The following THSD7A variants were observed in gnomAD, a reference collection of about 807,000 sequenced individuals.
THSD7A encodes thrombospondin type-1 domain-containing protein 7A.
In THSD7A, 96 loss-of-function variants were observed where a neutral mutation model predicts 231.3. The ratio of observed to expected loss-of-function variants is 0.41; its 90% CI spans 0.35 to 0.49. The LOEUF is 0.49. THSD7A is among the 20% of genes least tolerant of loss of function. THSD7A has a pLI of 0.05. For synonymous variants in THSD7A, 940 were observed against 743.3 expected, an observed-to-expected ratio of 1.26 and a Z score of -4.30; for missense variants, 2,290 against 2,070.2, an observed-to-expected ratio of 1.11 and a Z score of -2.06.
chr7:11,800,943 A>G (rs1784257011), intron 1 of THSD7A, among the ~76,000 whole-genome samples: 1 of 152,088 alleles, frequency 6.6e-6, no homozygotes. Context: ...GAGGTGCTGA[A>G]TATATTTTGC....
At chr7:11,409,695 C>G (rs1256769582) in intron 19 of THSD7A, among the ~76,000 whole-genome samples, 1 of 152,076 alleles carries the variant, frequency 6.6e-6, no homozygotes, top group Admixed American at 6.5e-5. Flanking sequence ...AGAAGTAGAT[C>G]ACAGCAAGCT....
intron 13 of THSD7A, among the ~76,000 whole-genome samples, chr7:11,445,117 G>T (rs1474268957): frequency 6.6e-6 from 1 of 151,734 alleles, no homozygotes; most frequent in Admixed American, 6.6e-5. Flanking sequence ...CCAATAGCAG[G>T]ATATATTAAT....
chr7:11,700,749 T>C (rs1173242353), intron 1 of THSD7A, among the ~76,000 whole-genome samples: 1 of 151,230 alleles, frequency 6.6e-6, no homozygotes, highest in Non-Finnish European at 1.5e-5. Context: ...TTTATTGCTC[T>C]TGCTCTTATT....
At chr7:11,455,964 C>G (rs540931995) in intron 11 of THSD7A, among the ~76,000 whole-genome samples, 1 of 151,890 alleles carries the variant, frequency 6.6e-6, no homozygotes. Flanking sequence ...TCTATAAAGG[C>G]CACTTTATTT....
intron 16 of THSD7A, among the ~76,000 whole-genome samples, chr7:11,418,065 T>C (rs1044983604): frequency 2.0e-5 from 3 of 152,194 alleles, no homozygotes; most frequent in African/African-American, 7.2e-5. Flanking sequence ...TTGATTTATA[T>C]GTGATGAGAG....
intron 4 of THSD7A, among the ~76,000 whole-genome samples, chr7:11,586,655 T>G (rs1192868828): frequency 1.3e-5 from 2 of 152,192 alleles, no homozygotes; most frequent in Non-Finnish European, 2.9e-5. Flanking sequence ...TAAAGTGGGT[T>G]TATGTGTGGA....
At chr7:11,486,312 A>G (rs1786654910) in intron 6 of THSD7A, among the ~76,000 whole-genome samples, 1 of 152,208 alleles carries the variant, frequency 6.6e-6, no homozygotes, top group Admixed American at 6.5e-5. Flanking sequence ...ACTTCAGAGT[A>G]TATATAGGAG....
intron 4 of THSD7A, among the ~76,000 whole-genome samples, chr7:11,577,183 T>C (rs1373842289): frequency 6.6e-6 from 1 of 152,240 alleles, no homozygotes; most frequent in East Asian, 1.9e-4. Flanking sequence ...GCTTTCCTAG[T>C]TAAAAACATA....
At chr7:11,534,740 G>T (rs1010010623) in intron 6 of THSD7A, among the ~76,000 whole-genome samples, 5 of 152,152 alleles carry the variant, frequency 3.3e-5, no homozygotes, top group Admixed American at 1.3e-4. Flanking sequence ...GATATAAAGG[G>T]AATCAAAGAA....
chr7:11,709,193 C>T (rs1482142193), intron 1 of THSD7A, among the ~76,000 whole-genome samples: 3 of 150,732 alleles, frequency 2.0e-5, no homozygotes, highest in African/African-American at 7.3e-5. Context: ...TTGTTGTGAG[C>T]TCTCTGCTCA....
intron 23 of THSD7A, among the ~76,000 whole-genome samples, chr7:11,399,120 G>A (rs1783303247): frequency 6.6e-6 from 1 of 152,130 alleles, no homozygotes; most frequent in Admixed American, 6.5e-5. Context: ...TCTCAACAAG[G>A]AGTTGTCTGT....
chr7:11,637,893 C>T lies in THSD7A; in HGVS notation c.191-932G>A, dbSNP rs191947449. ...ACTTTAATAGACAGATCCCAATTTA[C>T]GAAATTGAGAATTGTATTATTTTGG... is the stretch of plus-strand genomic sequence containing the variant. On this transcript the variant is annotated intron_variant, in intron 1 of 27. Coordinates refer to ENST00000423059, the MANE Select transcript of THSD7A (RefSeq NM_015204.3). The surrounding 1 kb of genome is among the most constrained non-coding windows in gnomAD (Gnocchi z 4.2). Among the ~76,000 whole-genome samples, 71 of 151,972 alleles carry T rather than the reference C, an allele frequency of 4.7e-4. 2 individuals carry two copies. In the East Asian group the frequency reaches 7.2e-3, roughly 15 times the overall value.
chr7:11,777,414 TACACACACACACAC>T (rs66487858), intron 1 of THSD7A, among the ~76,000 whole-genome samples: 31,111 of 147,184 alleles, frequency 0.21, 3,389 homozygotes, highest in East Asian at 0.42. Flanking sequence ...GTAAATTAAG[TACACACACACACAC>T]ACACACACAC....
At chr7:11,683,702 A>C (rs1422796853) in intron 1 of THSD7A, among the ~76,000 whole-genome samples, 1 of 151,994 alleles carries the variant, frequency 6.6e-6, no homozygotes. Context: ...GTAGGCCAAT[A>C]ATGAGTTACG....
At chr7:11,690,041 A>T (rs1176014794) in intron 1 of THSD7A, among the ~76,000 whole-genome samples, 1 of 151,794 alleles carries the variant, frequency 6.6e-6, no homozygotes, top group East Asian at 2.0e-4. Flanking sequence ...CAATATGACC[A>T]TACAATCTTA....
At position 11,724,036 on chromosome 7, in the gene THSD7A, C is replaced by A. The variant is rs186340403; in HGVS notation, c.191-87075G>T. ...GCAATTGCAACAACGCAGGCAAGAA[C>A]TTAAATAAAAATAATAGGAGTGAAG... On this transcript the variant is annotated intron_variant, in intron 1 of 27. Coordinates refer to ENST00000423059, the MANE Select transcript of THSD7A (RefSeq NM_015204.3). Among the ~76,000 whole-genome samples the A allele has an allele frequency of 3.9e-3, 587 of 151,858 alleles. 5 individuals carry two copies. Among genetic ancestry groups the A allele is most frequent in the Non-Finnish European group, 2.6e-3 (179 of 67,910 alleles).
At chr7:11,724,920 C>T (rs1472986117) in intron 1 of THSD7A, among the ~76,000 whole-genome samples, 1 of 151,668 alleles carries the variant, frequency 6.6e-6, no homozygotes, top group South Asian at 2.1e-4. Context: ...GGGAACTAAC[C>T]TCATCTCTTC....
chr7:11,542,285 T>C (rs1789184297), intron 5 of THSD7A, among the ~76,000 whole-genome samples: 4 of 152,176 alleles, frequency 2.6e-5, no homozygotes, highest in Admixed American at 2.6e-4. Flanking sequence ...TGTAACAAAA[T>C]TAACAAGTCT....
At chr7:11,677,849 T>C (rs561525960) in intron 1 of THSD7A, among the ~76,000 whole-genome samples, 1 of 152,054 alleles carries the variant, frequency 6.6e-6, no homozygotes, top group Non-Finnish European at 1.5e-5. Flanking sequence ...GCAGACCTAA[T>C]AGACGTCTAC....
Sources: gnomAD v4.1 joint callset for allele counts (sites outside exome capture counted in the v4.1 genomes callset) on GRCh38, gnomAD v4.1.1 for gene constraint, Gnocchi (gnomAD v3.1) non-coding constraint, MANE v1.5 for transcripts, NCBI Gene and HGNC (gene_info 2026-07-23, HGNC 2026-07-21) for gene names.